The following CFAP54 variants were observed in gnomAD, a reference collection of about 807,000 sequenced individuals.
CFAP54 encodes cilia- and flagella-associated protein 54.
In CFAP54, 290 loss-of-function variants were observed where a neutral mutation model predicts 370.4. The observed-to-expected ratio is 0.78, with a 90% confidence interval of 0.71 to 0.86. CFAP54 has a LOEUF of 0.86. Among genes scored for constraint, CFAP54 ranks in the 40% least tolerant of loss-of-function variants. The pLI, the probability that CFAP54 is intolerant of heterozygous loss-of-function variation, is 0.00. For missense variants in CFAP54, 3,399 were observed against 3,528.7 expected, an observed-to-expected ratio of 0.96 and a Z score of 0.93; for synonymous variants, 1,206 against 1,236.5, an observed-to-expected ratio of 0.98 and a Z score of 0.52.
chr12:96,616,373 G>A (rs937088471), intron 26 of CFAP54, among the ~76,000 whole-genome samples: 1 of 151,946 alleles, frequency 6.6e-6, no homozygotes, highest in South Asian at 2.1e-4. Context: ...GGGGTGGTGG[G>A]AGGGGGGAGG....
rs761507597 is a variant in CFAP54, at chr12:96,598,712, C to T, written c.3584C>T (p.Ala1195Val). The T allele has an allele frequency of 5.9e-6, 4 of 679,168 alleles. No individual in the cohort carries two copies. The highest frequency in any genetic ancestry group is 2.1e-5 in the Admixed American group (1 of 48,598). The allele number at this position is 679,168 out of a possible 1,614,324, so 42.1% of individuals were successfully genotyped here. A position where few individuals can be genotyped will look rare whatever the true frequency, so the allele number is the denominator to read the frequency against. The stretch of plus-strand genomic sequence containing the variant: ...ATTGTCTGCTCGAAGAAACATACTG[C>T]GAGCTTTGAAAGTATACAACACATG... Reference protein sequence around the residue: ...PSIVCSKKHTASFESIQHMIA... With the variant: ...PSIVCSKKHTVSFESIQHMIA... Residue 1195 changes from alanine (A) to valine (V), a missense_variant, in exon 26 of 68, where the codon GCG becomes GTG. By Grantham distance (64) the Ala-to-Val change is moderately conservative. Coordinates refer to ENST00000524981, the MANE Select transcript of CFAP54 (RefSeq NM_001306084.2).
At chr12:96,699,269 A>G (rs1039284106) in intron 45 of CFAP54, among the ~76,000 whole-genome samples, 1 of 151,992 alleles carries the variant, frequency 6.6e-6, no homozygotes, top group African/African-American at 2.4e-5. Flanking sequence ...AAAGGGAGTA[A>G]CCTCTGGTCC....
At chr12:96,506,332 C>T (rs534464015) in intron 3 of CFAP54, among the ~76,000 whole-genome samples, 1,926 of 131,652 alleles carry the variant, frequency 0.015, 59 homozygotes, top group African/African-American at 0.053. Flanking sequence ...AGCAAGACTC[C>T]GTCTCAAAAA....
chr12:96,581,296 A>G (rs1956030467), intron 22 of CFAP54, among the ~76,000 whole-genome samples, 191 bp downstream of exon 22: 1 of 152,206 alleles, frequency 6.6e-6, no homozygotes, highest in Non-Finnish European at 1.5e-5. Context: ...TTGCTTTTTG[A>G]CAATAACATT....
chr12:96,534,095 A>G lies in CFAP54; in HGVS notation c.1573A>G (p.Lys525Glu), dbSNP rs1415124032. ...QDDPESKKAEKDLTLLIAMEP... is the reference protein window; with the variant it reads ...QDDPESKKAEEDLTLLIAMEP... ...TGATCCAGAGTCAAAGAAAGCAGAG[A>G]AGGATTTAACTCTTCTGATTGCAAT... Residue 525 changes from lysine (K) to glutamate (E), a missense_variant, in exon 11 of 68, where the codon AAG becomes GAG. By Grantham distance (56) the Lys-to-Glu change is moderately conservative. This residue lies in a region of CFAP54 where 44 missense variants were observed against 82.3 expected (regional missense o/e 0.53). Coordinates refer to ENST00000524981, the MANE Select transcript of CFAP54 (RefSeq NM_001306084.2). 1.3e-6 allele frequency: 2 copies of G among 1,531,410 alleles called. No individual in the cohort carries two copies. The highest frequency in any genetic ancestry group is 1.7e-6 in the Non-Finnish European group (2 of 1,144,930). 94.9% of individuals were successfully genotyped at this position (1,531,410 alleles called of 1,614,324 possible).
At chr12:96,632,697 G>A (rs11615366) in intron 32 of CFAP54, among the ~76,000 whole-genome samples, 6 of 151,976 alleles carry the variant, frequency 3.9e-5, no homozygotes, top group East Asian at 3.9e-4. Flanking sequence ...CTTTTCCTTC[G>A]TGCAAGTCTT....
intron 56 of CFAP54, among the ~76,000 whole-genome samples, chr12:96,754,362 A>C (rs2136657650): frequency 6.6e-6 from 1 of 152,324 alleles, no homozygotes; most frequent in East Asian, 1.9e-4. Flanking sequence ...CTATTTCCTC[A>C]AGACATTTAT....
rs376885466 is a variant in CFAP54 at position 96,695,102 on chromosome 12, A to G, written c.6351+1294A>G. Among the ~76,000 whole-genome samples the G allele has an allele frequency of 2.0e-5, 3 of 152,336 alleles. No individual in the cohort carries two copies. The East Asian group carries it at 5.8e-4, about 29-fold the overall frequency. On this transcript the variant is annotated intron_variant, in intron 45 of 67. Transcript: ENST00000524981. ...ATTTTCAATCTCCATCCATGGTGTG[A>G]ATACTCCCACTATGTCTGACTTCAA...
At chr12:96,664,697 CTATA>C (rs377611594) in intron 39 of CFAP54, among the ~76,000 whole-genome samples, 1 of 76,044 alleles carries the variant, frequency 1.3e-5, no homozygotes, top group Non-Finnish European at 2.5e-5. Context: ...GGGTATATAT[CTATA>C]TATATATATA....
chr12:96,810,943 TC>T (rs1377200380), intron 63 of CFAP54, among the ~76,000 whole-genome samples: 1 of 152,108 alleles, frequency 6.6e-6, no homozygotes, highest in Admixed American at 6.6e-5. Flanking sequence ...TACGGGAACC[TC>T]CTGAGAGAGC....
At chr12:96,815,461 G>C (rs1039816480) in intron 64 of CFAP54, among the ~76,000 whole-genome samples, 4 of 152,020 alleles carry the variant, frequency 2.6e-5, no homozygotes, top group Non-Finnish European at 5.9e-5. Context: ...TTAGACCTTT[G>C]TCAGATGGAT....
At chr12:96,720,200 G>T (rs529575505) in intron 49 of CFAP54, among the ~76,000 whole-genome samples, 8 of 152,216 alleles carry the variant, frequency 5.3e-5, no homozygotes, top group Non-Finnish European at 1.2e-4. Flanking sequence ...CATGCATGCT[G>T]ACGCTTGCTT....
At chr12:96,575,390 G>A (rs952503096) in intron 19 of CFAP54, among the ~76,000 whole-genome samples, 1 of 151,988 alleles carries the variant, frequency 6.6e-6, no homozygotes, top group African/African-American at 2.4e-5. Context: ...TGATTTTGAT[G>A]AAGTCCACCT....
intron 1 of CFAP54, among the ~76,000 whole-genome samples, chr12:96,495,004 C>T (rs1012421882): frequency 2.6e-5 from 4 of 152,096 alleles, no homozygotes; most frequent in Non-Finnish European, 5.9e-5. Context: ...GGATTACAGG[C>T]GTGAGCCACT....
chr12:96,788,600 C>A (rs908468847), intron 62 of CFAP54, among the ~76,000 whole-genome samples: 1 of 152,074 alleles, frequency 6.6e-6, no homozygotes, highest in African/African-American at 2.4e-5. Context: ...AGAATGGTGA[C>A]CCTTGCTTAT....
intron 4 of CFAP54, among the ~76,000 whole-genome samples, chr12:96,508,807 T>G (rs1173324534): frequency 6.6e-6 from 1 of 152,056 alleles, no homozygotes; most frequent in Non-Finnish European, 1.5e-5. Flanking sequence ...TGCTGAATTA[T>G]ATTGCAGATA....
chr12:96,856,846 A>G (rs1160153162), intron 66 of CFAP54, among the ~76,000 whole-genome samples: 1 of 152,214 alleles, frequency 6.6e-6, no homozygotes, highest in Non-Finnish European at 1.5e-5. Flanking sequence ...TCTTTACAAC[A>G]GTACCCCACT....
At chr12:96,736,378 A>C (rs2136634612) in intron 50 of CFAP54, among the ~76,000 whole-genome samples, 1 of 152,274 alleles carries the variant, frequency 6.6e-6, no homozygotes, top group South Asian at 2.1e-4. Flanking sequence ...TTCAGATACC[A>C]GGGAAGTGCT....
At chr12:96,641,287 C>T (rs1189322798) in intron 32 of CFAP54, among the ~76,000 whole-genome samples, 2 of 152,186 alleles carry the variant, frequency 1.3e-5, no homozygotes, top group Non-Finnish European at 2.9e-5. Context: ...AGACACTTCT[C>T]AAAAGAAGAC....
Sources: gnomAD v4.1 joint callset for allele counts (sites outside exome capture counted in the v4.1 genomes callset) on GRCh38, gnomAD v4.1.1 for gene constraint, gnomAD v4.1.1 regional missense constraint, MANE v1.5 for transcripts, NCBI Gene and HGNC (gene_info 2026-07-23, HGNC 2026-07-21) for gene names.